Variants in EEIG2 observed in about 807,000 individuals in gnomAD.
EEIG2 encodes the protein family with sequence similarity 102 member B.
the EEIG2 span, among the ~76,000 whole-genome samples, chr1:108,618,364 G>A: frequency 6.6e-6 from 1 of 152,188 alleles, no homozygotes. Context: ...GGACAGGGAA[G>A]ATAGAGGAAG....
the EEIG2 span, among the ~76,000 whole-genome samples, chr1:108,581,494 C>T: frequency 3.9e-5 from 6 of 152,100 alleles, no homozygotes; most frequent in East Asian, 9.6e-4. Flanking sequence ...ATTCTAGATG[C>T]CATTAAGCAC....
At chr1:108,565,789 T>C in the EEIG2 span, among the ~76,000 whole-genome samples, 9 of 152,354 alleles carry the variant, frequency 5.9e-5, no homozygotes, top group South Asian at 6.2e-4. Context: ...AGTACATCCT[T>C]CTGTTTTCAA....
At chr1:108,629,626 A>G in the EEIG2 span, 1 of 1,611,844 alleles carries the variant, frequency 6.2e-7, no homozygotes, top group South Asian at 1.1e-5. Flanking sequence ...TGGGGGAAGT[A>G]CAACCTTTGG....
the EEIG2 span, among the ~76,000 whole-genome samples, chr1:108,613,864 G>T: frequency 6.6e-5 from 10 of 151,800 alleles, no homozygotes; most frequent in African/African-American, 2.4e-4. Flanking sequence ...TGAGTCTAAG[G>T]CTTCTCGGTT....
chr1:108,579,803 C>G, the EEIG2 span, among the ~76,000 whole-genome samples: 1 of 16,048 alleles, frequency 6.2e-5, no homozygotes, highest in Non-Finnish European at 3.1e-4. Context: ...GAGAAAGAAA[C>G]CCACTCTCTT....
the EEIG2 span, among the ~76,000 whole-genome samples, chr1:108,596,622 T>A: frequency 4.5e-4 from 69 of 152,346 alleles, 1 homozygote; most frequent in East Asian, 0.011. Flanking sequence ...TATGCTTTTT[T>A]TAAAAATATA....
the EEIG2 span, among the ~76,000 whole-genome samples, chr1:108,621,475 T>C: frequency 6.6e-6 from 1 of 152,218 alleles, no homozygotes; most frequent in South Asian, 2.1e-4. Context: ...TATCAAGGGT[T>C]GCAGTTCTTC....
At chr1:108,637,609 C>T in the EEIG2 span, 1 of 152,056 alleles carries the variant, frequency 6.6e-6, no homozygotes, top group African/African-American at 2.4e-5. Context: ...AATTTCAAAT[C>T]ACCCAGTGTT....
the EEIG2 span, chr1:108,629,776 G>A: frequency 1.4e-6 from 1 of 736,298 alleles, no homozygotes; most frequent in Non-Finnish European, 2.4e-6. Flanking sequence ...ACAGATAGTA[G>A]TAGTTACATG....
chr1:108,613,277 C>T, the EEIG2 span, among the ~76,000 whole-genome samples: 1 of 152,154 alleles, frequency 6.6e-6, no homozygotes, highest in East Asian at 1.9e-4. Context: ...GCCCATATCT[C>T]CATGAGATGA....
chr1:108,600,775 T>C, the EEIG2 span: 3 of 1,405,382 alleles, frequency 2.1e-6, no homozygotes, highest in African/African-American at 4.3e-5. Flanking sequence ...CTGCTTTATC[T>C]GTTTCATTAG....
At chr1:108,560,535 A>C in the EEIG2 span, 1 of 1,611,434 alleles carries the variant, frequency 6.2e-7, no homozygotes, top group Non-Finnish European at 8.5e-7. Context: ...CGGCTGCTGG[A>C]CGGCGGCAGC....
chr1:108,598,404 T>A, the EEIG2 span, among the ~76,000 whole-genome samples: 3 of 152,026 alleles, frequency 2.0e-5, no homozygotes, highest in Non-Finnish European at 2.9e-5. Flanking sequence ...ATTCACAGTT[T>A]TTTAAATGTA....
At chr1:108,635,445 G>T in the EEIG2 span, 1 of 334,654 alleles carries the variant, frequency 3.0e-6, no homozygotes, top group East Asian at 5.2e-5. Flanking sequence ...CCCCAGCGGA[G>T]AAAACAGCAT....
At chr1:108,597,856 C>G in the EEIG2 span, among the ~76,000 whole-genome samples, 1 of 152,100 alleles carries the variant, frequency 6.6e-6, no homozygotes, top group African/African-American at 2.4e-5. Context: ...AATGTTATTT[C>G]TTGATATCTG....
the EEIG2 span, among the ~76,000 whole-genome samples, chr1:108,630,802 T>G: frequency 6.6e-6 from 1 of 152,190 alleles, no homozygotes; most frequent in Non-Finnish European, 1.5e-5. Flanking sequence ...GTCGTATTTA[T>G]GTAGAGTCCC....
At chr1:108,638,252 T>C in the EEIG2 span, 2 of 152,132 alleles carry the variant, frequency 1.3e-5, no homozygotes, top group Non-Finnish European at 2.9e-5. Context: ...CCTAGTTTCT[T>C]TTCTGTATGC....
chr1:108,563,928 T>C, the EEIG2 span, among the ~76,000 whole-genome samples: 1 of 152,182 alleles, frequency 6.6e-6, no homozygotes, highest in Non-Finnish European at 1.5e-5. Context: ...GACAACCACA[T>C]TGGCATTTCT....
At chr1:108,582,542 A>AT in the EEIG2 span, among the ~76,000 whole-genome samples, 1 of 152,100 alleles carries the variant, frequency 6.6e-6, no homozygotes. Flanking sequence ...CGAATTCTTA[A>AT]TTTTTTTGTG....
Sources: allele counts gnomAD v4.1 joint callset (sites outside exome capture counted in the v4.1 genomes callset), GRCh38; gene constraint gnomAD v4.1.1; transcripts MANE v1.5; gene names NCBI Gene and HGNC (gene_info 2026-07-23, HGNC 2026-07-21).